Variants in LRBA observed in about 807,000 individuals in gnomAD.
The protein encoded by LRBA is LPS responsive beige-like anchor protein.
A neutral mutation model predicts 330.0 loss-of-function variants in LRBA; 176 were observed. The observed-to-expected ratio is 0.53, with a 90% confidence interval of 0.47 to 0.60. The LOEUF (loss-of-function observed/expected upper bound fraction) is 0.60. LRBA is among the 20% of genes least tolerant of loss of function. The pLI is 0.00. For synonymous variants in LRBA, 1,230 were observed against 1,193.0 expected (o/e 1.03, Z -0.64); for missense variants, 3,259 against 3,444.8 (o/e 0.95, Z 1.35).
chr4:150,884,926 T>C (rs1428319382), intron 17 of LRBA, among the ~76,000 whole-genome samples: 3 of 151,950 alleles, frequency 2.0e-5, no homozygotes, highest in Non-Finnish European at 4.4e-5. Context: ...GTTCAAATAA[T>C]TGAATGAAAC....
chr4:150,451,310 G>A (rs968818324), intron 44 of LRBA, among the ~76,000 whole-genome samples: 3 of 152,070 alleles, frequency 2.0e-5, no homozygotes, highest in African/African-American at 4.8e-5. Context: ...CTGAGCCATC[G>A]AACAAATTCT....
rs1745622464 is a variant in LRBA, at chr4:150,402,480, G to A, written c.7194+12958C>T. On this transcript the variant is annotated intron_variant, in intron 47 of 56. Transcript: ENST00000651943. ...AATTCTAAGTGCCACAGAAAATTTTGAGATATAAATTTCTCAAAATAAAAA... is the reference window on the plus strand; with the variant it reads ...AATTCTAAGTGCCACAGAAAATTTTAAGATATAAATTTCTCAAAATAAAAA... Among the ~76,000 whole-genome samples, 4 of 152,108 alleles carry A rather than the reference G, an allele frequency of 2.6e-5. 1 individual carries two copies. The South Asian group carries it at 8.3e-4, about 32-fold the overall frequency.
At chr4:150,944,116 C>T (rs1284018806) in intron 2 of LRBA, among the ~76,000 whole-genome samples, 1 of 152,124 alleles carries the variant, frequency 6.6e-6, no homozygotes, top group Non-Finnish European at 1.5e-5. Context: ...TCGTGACAGA[C>T]CCTGAGTCAA....
intron 28 of LRBA, among the ~76,000 whole-genome samples, chr4:150,835,951 T>A (rs1300811510): frequency 7.2e-5 from 11 of 152,136 alleles, no homozygotes; most frequent in African/African-American, 2.4e-4. Flanking sequence ...CATAAATAGC[T>A]CTTATTATTT....
At chr4:150,948,916 T>TA (rs1455202149) in intron 2 of LRBA, among the ~76,000 whole-genome samples, 1 of 151,212 alleles carries the variant, frequency 6.6e-6, no homozygotes, top group Admixed American at 6.6e-5. Flanking sequence ...TCAAAACAAC[T>TA]AAAAAAATAA....
At chr4:150,440,370 C>T (rs1225322082) in intron 44 of LRBA, among the ~76,000 whole-genome samples, 2 of 151,920 alleles carry the variant, frequency 1.3e-5, no homozygotes, top group East Asian at 3.8e-4. Context: ...CTTAACTCTA[C>T]AAACTAAGAA....
chr4:150,429,040 A>C (rs1365828428), intron 46 of LRBA, among the ~76,000 whole-genome samples: 1 of 152,088 alleles, frequency 6.6e-6, no homozygotes, highest in African/African-American at 2.4e-5. Flanking sequence ...AAACAGTCAA[A>C]AATTTAGGAT....
At position 150,675,729 on chromosome 4, in the gene LRBA, A is replaced by T. The variant is rs111754798; in HGVS notation, c.5921+7822T>A. Among the ~76,000 whole-genome samples, 1,126 of 151,852 alleles carry T rather than the reference A, an allele frequency of 7.4e-3. 18 individuals are homozygous for T. The highest frequency in any genetic ancestry group is 0.025 in the African/African-American group (1,037 of 41,386). ...CGAGGCTCCGTCTCAAAAAATAAATAAATTAATTAAATAATTAATTAAATA... is the reference window on the plus strand; with the variant it reads ...CGAGGCTCCGTCTCAAAAAATAAATTAATTAATTAAATAATTAATTAAATA... On this transcript the variant is annotated intron_variant, in intron 37 of 56. Coordinates refer to ENST00000651943, the MANE Select transcript of LRBA (RefSeq NM_001364905.1).
In LRBA at chr4:150,852,545, T is replaced by C; in HGVS notation, c.3165A>G (p.Ile1055Met). 6.2e-7 allele frequency: 1 copy of C among 1,613,900 alleles called. No homozygotes were observed. Among genetic ancestry groups the C allele is most frequent in the Non-Finnish European group, 8.5e-7 (1 of 1,179,978 alleles). Residue 1055 changes from isoleucine to methionine, a missense_variant, in exon 23 of 57, where the codon ATA (isoleucine) becomes ATG (methionine). Coordinates refer to ENST00000651943, the MANE Select transcript of LRBA (RefSeq NM_001364905.1). ...AATTAGAGGAAATAGCCACAGCTTC[T>C]ATTATGTCAGAAGATACTTCTAAAT... is the stretch of plus-strand genomic sequence containing the variant. ...ADDLEVSSDI[I>M]EAVAISSNSF...
intron 36 of LRBA, among the ~76,000 whole-genome samples, chr4:150,699,888 T>C (rs1784956717): frequency 6.6e-6 from 1 of 152,182 alleles, no homozygotes; most frequent in Non-Finnish European, 1.5e-5. Context: ...AGAACTTGAA[T>C]ACTTGTCAGT....
intron 2 of LRBA, among the ~76,000 whole-genome samples, chr4:150,930,065 A>G (rs1734311914): frequency 6.6e-6 from 1 of 152,300 alleles, no homozygotes; most frequent in Non-Finnish European, 1.5e-5. Context: ...CTGTAATCCC[A>G]GCACTTTGGG....
chr4:150,593,592 AATTT>A (rs1324545841), intron 38 of LRBA, among the ~76,000 whole-genome samples: 1 of 152,232 alleles, frequency 6.6e-6, no homozygotes, highest in Non-Finnish European at 1.5e-5. Context: ...GTATATAATT[AATTT>A]GTTTACTAAT....
chr4:150,801,518 C>T (rs892034392), intron 33 of LRBA, among the ~76,000 whole-genome samples: 1 of 152,200 alleles, frequency 6.6e-6, no homozygotes, highest in Admixed American at 6.5e-5. Flanking sequence ...AATCAATCCA[C>T]TGAATTTTTT....
intron 34 of LRBA, among the ~76,000 whole-genome samples, chr4:150,788,877 C>T (rs551945979): frequency 4.6e-5 from 7 of 152,212 alleles, no homozygotes; most frequent in African/African-American, 1.4e-4. Flanking sequence ...GAGTTCGAGA[C>T]CTGCCTGGCC....
At chr4:150,869,571 C>T (rs1048026324) in intron 20 of LRBA, among the ~76,000 whole-genome samples, 4 of 152,042 alleles carry the variant, frequency 2.6e-5, no homozygotes, top group African/African-American at 9.7e-5. Flanking sequence ...CACCTGTAAT[C>T]CCAGCTACCA....
chr4:150,551,494 C>G (rs948280112), intron 40 of LRBA, among the ~76,000 whole-genome samples: 4 of 151,882 alleles, frequency 2.6e-5, no homozygotes, highest in African/African-American at 9.7e-5. Context: ...GCCTGGGCAA[C>G]ATAGTGAAAT....
In LRBA at chr4:150,828,475, C is replaced by G; in HGVS notation, c.4876G>C (p.Ala1626Pro). The G allele has an allele frequency of 6.2e-7, 1 of 1,614,094 alleles. No homozygotes were observed. The highest frequency in any genetic ancestry group is 8.5e-7 in the Non-Finnish European group (1 of 1,179,996). Reference sequence around the variant, plus strand: ...GGGCCTGCACTGACACCAGGAGGTGCTGTGTGAGGAGTTACTTCCACATGG... The same window carrying G: ...GGGCCTGCACTGACACCAGGAGGTGGTGTGTGAGGAGTTACTTCCACATGG... ...GSHVEVTPHT[A>P]PPGVSAGPDA... Residue 1626 changes from alanine (A) to proline (P), a missense_variant, in exon 30 of 57, where the codon GCA (alanine) becomes CCA (proline). By Grantham distance (27) the Ala-to-Pro change is conservative. Coordinates refer to ENST00000651943, the MANE Select transcript of LRBA (RefSeq NM_001364905.1).
chr4:150,790,371 T>A (rs1178893175), intron 34 of LRBA, among the ~76,000 whole-genome samples: 1 of 152,200 alleles, frequency 6.6e-6, no homozygotes, highest in African/African-American at 2.4e-5. Context: ...TTTCTTTGGT[T>A]GTAACAGCAC....
Position 150,413,329 on chromosome 4 carries a change from T to C in LRBA, c.7194+2109A>G, listed in dbSNP as rs1022604441. ...TCTACCCAAGAGAAATAAAAACAGA[T>C]GTCCACACCAAGACTTATACGCAAA... On this transcript the variant is annotated intron_variant, in intron 47 of 56. Coordinates refer to ENST00000651943, the MANE Select transcript of LRBA (RefSeq NM_001364905.1). Among the ~76,000 whole-genome samples the C allele has an allele frequency of 2.7e-4, 41 of 151,934 alleles. No homozygotes were observed. The Middle Eastern group carries it at 0.01, about 38-fold the overall frequency.
Sources: gnomAD v4.1 joint callset for allele counts (sites outside exome capture counted in the v4.1 genomes callset) on GRCh38, gnomAD v4.1.1 for gene constraint, MANE v1.5 for transcripts, NCBI Gene and HGNC (gene_info 2026-07-23, HGNC 2026-07-21) for gene names.